The following VIPR2 variants were observed in gnomAD, a reference collection of about 807,000 sequenced individuals.
VIPR2 encodes the protein vasoactive intestinal polypeptide receptor 2.
A neutral mutation model predicts 58.0 loss-of-function variants in VIPR2; 48 were observed. That is an observed-to-expected ratio of 0.83 (90% confidence interval 0.66 to 1.05). VIPR2 has a LOEUF of 1.05. VIPR2 is among the 50% of genes least tolerant of loss of function. VIPR2 has a pLI of 0.00. For missense variants in VIPR2, 534 were observed against 558.0 expected (o/e 0.96, Z 0.43); for synonymous variants, 243 against 235.2 (o/e 1.03, Z -0.30).
chr7:159,110,255 C>A (rs542167373), intron 2 of VIPR2, among the ~76,000 whole-genome samples: 1 of 152,184 alleles, frequency 6.6e-6, no homozygotes, highest in Non-Finnish European at 1.5e-5. Context: ...GGGAGGGAGA[C>A]GCCCAGGGAA....
chr7:159,084,388 G>A (rs925859082), intron 4 of VIPR2, among the ~76,000 whole-genome samples: 3 of 152,358 alleles, frequency 2.0e-5, no homozygotes, highest in East Asian at 3.9e-4. Flanking sequence ...CGCCAGGTGA[G>A]ACAGGAACAG....
chr7:159,122,121 C>T (rs1354496489), intron 2 of VIPR2, among the ~76,000 whole-genome samples: 3 of 152,198 alleles, frequency 2.0e-5, no homozygotes, highest in Admixed American at 2.0e-4. Context: ...TTCTAGAGGT[C>T]ACTTCCTAAC....
At chr7:159,102,901 T>G (rs1390229561) in intron 4 of VIPR2, among the ~76,000 whole-genome samples, 1 of 152,218 alleles carries the variant, frequency 6.6e-6, no homozygotes, top group Non-Finnish European at 1.5e-5. Flanking sequence ...GAGCACACTC[T>G]GCACACACCT....
At chr7:159,063,211 A>G (rs116176153) in intron 4 of VIPR2, among the ~76,000 whole-genome samples, 30,059 of 152,022 alleles carry the variant, frequency 0.2, 3,088 homozygotes, top group African/African-American at 0.25. Flanking sequence ...GGGAGGCTAG[A>G]CGGTGCAGGA....
At position 159,108,435 on chromosome 7, in the gene VIPR2, T is replaced by C. The variant is rs574260156; in HGVS notation, c.259+1377A>G. On this transcript the variant is annotated intron_variant, in intron 3 of 12. Coordinates refer to ENST00000262178, the MANE Select transcript of VIPR2 (RefSeq NM_003382.5). The stretch of plus-strand genomic sequence containing the variant: ...CATATTTCCCCTGCATTTCAGATCA[T>C]CTAGCTGCGACTACTCAAGTGCCCA... Among the ~76,000 whole-genome samples, 55 of 152,342 alleles carry C rather than the reference T, an allele frequency of 3.6e-4. No individual in the cohort carries two copies. In the South Asian group the frequency reaches 5.0e-3, roughly 14 times the overall value.
intron 6 of VIPR2, among the ~76,000 whole-genome samples, chr7:159,042,055 C>G (rs73522254): frequency 2.0e-3 from 297 of 152,288 alleles, no homozygotes; most frequent in African/African-American, 6.6e-3. Flanking sequence ...AGCTTATCCC[C>G]AGAGGCACAT....
chr7:159,048,748 G>C (rs1449419380), intron 5 of VIPR2, among the ~76,000 whole-genome samples: 1 of 152,096 alleles, frequency 6.6e-6, no homozygotes, highest in South Asian at 2.1e-4. Flanking sequence ...GTTTCTGTTG[G>C]ACACTGCTGA....
intron 6 of VIPR2, 123 bp from the exon 7 acceptor site, chr7:159,037,025 C>A: frequency 8.3e-7 from 1 of 1,198,072 alleles, no homozygotes; most frequent in South Asian, 1.6e-5. Context: ...GACACCGGTG[C>A]CATTGGGAAG....
intron 5 of VIPR2, among the ~76,000 whole-genome samples, chr7:159,048,351 T>C (rs1364646165): frequency 6.6e-6 from 1 of 152,228 alleles, no homozygotes; most frequent in Non-Finnish European, 1.5e-5. Flanking sequence ...TTAATGTGGA[T>C]ATGAATAGTA....
At chr7:159,078,930 C>T (rs550317887) in intron 4 of VIPR2, among the ~76,000 whole-genome samples, 80 of 152,250 alleles carry the variant, frequency 5.3e-4, no homozygotes, top group African/African-American at 1.6e-3. Context: ...CCACCTCTCT[C>T]GGGTGTTGTA....
At chr7:159,059,637 G>A (rs1480325032) in intron 4 of VIPR2, among the ~76,000 whole-genome samples, 2 of 152,116 alleles carry the variant, frequency 1.3e-5, no homozygotes, top group African/African-American at 4.8e-5. Context: ...GCTCAGAGAA[G>A]AGCACAGAGT....
At chr7:159,139,918 C>T (rs142326221) in intron 2 of VIPR2, among the ~76,000 whole-genome samples, 78 of 152,356 alleles carry the variant, frequency 5.1e-4, no homozygotes, top group African/African-American at 1.7e-3. Context: ...GCTCTGAGGC[C>T]GGGAGTGCCT....
intron 6 of VIPR2, among the ~76,000 whole-genome samples, chr7:159,042,300 T>C (rs1391614868): frequency 6.6e-6 from 1 of 152,090 alleles, no homozygotes; most frequent in Non-Finnish European, 1.5e-5. Context: ...GCACGAATCC[T>C]TCACAAAGAT....
chr7:159,097,196 G>T lies in VIPR2; in HGVS notation c.357+6561C>A. The T allele has an allele frequency of 7.0e-7, 1 of 1,431,520 alleles. No individual in the cohort carries two copies. 88.7% of individuals were successfully genotyped at this position (1,431,520 alleles called of 1,614,324 possible). ...TCACCAGGGATGGGAGCCCTGGGGA[G>T]TGAAGTTTGCCATCAGTGGGAACGA... is the stretch of plus-strand genomic sequence containing the variant. On this transcript the variant is annotated intron_variant, in intron 4 of 12. Coordinates refer to ENST00000262178, the MANE Select transcript of VIPR2 (RefSeq NM_003382.5). The surrounding 1 kb of genome is among the most constrained non-coding windows in gnomAD (Gnocchi z 5.3).
At chr7:159,043,528 A>AAAC (rs148868612) in intron 5 of VIPR2, among the ~76,000 whole-genome samples, 9 of 152,194 alleles carry the variant, frequency 5.9e-5, no homozygotes, top group Middle Eastern at 3.4e-3. Flanking sequence ...ACCATTCAAG[A>AAAC]AACAACAACA....
intron 4 of VIPR2, chr7:159,059,484 A>G (rs1855508859): frequency 2.7e-6 from 1 of 372,652 alleles, no homozygotes; most frequent in Non-Finnish European, 5.3e-6. Flanking sequence ...AATTTAAGGC[A>G]AAACTCAGAA....
intron 4 of VIPR2, among the ~76,000 whole-genome samples, chr7:159,101,471 C>T (rs574929044): frequency 4.7e-5 from 6 of 127,994 alleles, no homozygotes; most frequent in South Asian, 2.6e-4. Context: ...ATGAGTCTCA[C>T]GAGATCCGAC....
In VIPR2 at chr7:159,036,782, A is replaced by C. The variant is rs1189824363; in HGVS notation, c.718T>G (p.Cys240Gly). 3 of 1,613,704 alleles carry C rather than the reference A, an allele frequency of 1.9e-6. No homozygotes were observed. In the South Asian group the frequency reaches 3.3e-5, roughly 18 times the overall value. Residue 240 changes from cysteine (C) to glycine (G), a missense_variant, in exon 7 of 13, where the codon TGC (cysteine) becomes GGC (glycine). Cys to Gly is a radical substitution (Grantham distance 159). Around this residue, in one of 3 missense-constraint regions of VIPR2, gnomAD observed 306 missense variants for 285.8 expected, o/e 1.07. Transcript: ENST00000262178. ...LLVAMLPPRR[C>G]FLAYLLIGWG... Reference sequence around the variant, plus strand: ...CCGATCAGGAGGTAGGCCAGGAAGCACCTTCTAGGGGGGAGCATGGCCACC... The same window carrying C: ...CCGATCAGGAGGTAGGCCAGGAAGCCCCTTCTAGGGGGGAGCATGGCCACC...
chr7:159,053,111 C>CT (rs900026949), intron 5 of VIPR2, among the ~76,000 whole-genome samples: 35 of 149,356 alleles, frequency 2.3e-4, no homozygotes, highest in East Asian at 9.8e-4. Context: ...AGAGGTTTGT[C>CT]TTTTTTTTTT....
Sources: allele counts gnomAD v4.1 joint callset (sites outside exome capture counted in the v4.1 genomes callset), GRCh38; gene constraint gnomAD v4.1.1; regional missense constraint gnomAD v4.1.1; non-coding constraint Gnocchi (gnomAD v3.1); transcripts MANE v1.5; gene names NCBI Gene and HGNC (gene_info 2026-07-23, HGNC 2026-07-21).